Variants in NR3C2 observed in about 807,000 individuals in gnomAD.
NR3C2 encodes mineralocorticoid receptor.
NR3C2 carries 15 observed loss-of-function variants against 86.4 expected under a neutral mutation model. The ratio of observed to expected loss-of-function variants is 0.17; its 90% confidence interval spans 0.12 to 0.27. The LOEUF (loss-of-function observed/expected upper bound fraction) is 0.27. NR3C2 is among the 10% of genes least tolerant of loss of function. The pLI, the probability that NR3C2 is intolerant of heterozygous loss-of-function variation, is 1.00. For missense variants in NR3C2, 960 were observed against 1,195.6 expected, an observed-to-expected ratio of 0.80 and a Z score of 2.91; for synonymous variants, 458 against 450.5, an observed-to-expected ratio of 1.02 and a Z score of -0.21.
At chr4:148,200,412 T>C (rs1031922110) in intron 3 of NR3C2, among the ~76,000 whole-genome samples, 4 of 150,664 alleles carry the variant, frequency 2.7e-5, no homozygotes, top group African/African-American at 4.9e-5. Context: ...AGGAGTTGCA[T>C]GAACTAGAAG....
At chr4:148,375,908 A>T (rs957556543) in intron 2 of NR3C2, among the ~76,000 whole-genome samples, 2 of 152,206 alleles carry the variant, frequency 1.3e-5, no homozygotes, top group East Asian at 3.9e-4. Flanking sequence ...ACTATAAGTG[A>T]AACCAAGATA....
intron 3 of NR3C2, among the ~76,000 whole-genome samples, chr4:148,213,138 T>C (rs767666375): frequency 1.3e-4 from 3 of 22,826 alleles, no homozygotes; most frequent in African/African-American, 6.2e-4. Context: ...CAATGATGGG[T>C]TTTTTTTTTT....
At chr4:148,318,183 T>A (rs963343805) in intron 2 of NR3C2, among the ~76,000 whole-genome samples, 2 of 151,786 alleles carry the variant, frequency 1.3e-5, no homozygotes, top group African/African-American at 4.8e-5. Flanking sequence ...ATTTCATCCA[T>A]GTCCCTACAA....
chr4:148,109,970 C>A (rs1396536136), intron 8 of NR3C2, among the ~76,000 whole-genome samples: 1 of 152,124 alleles, frequency 6.6e-6, no homozygotes, highest in African/African-American at 2.4e-5. Context: ...TAGAAATAAG[C>A]TTCTTTCCCT....
chr4:148,442,529 G>A, upstream of NR3C2: 1 of 467,376 alleles, frequency 2.1e-6, no homozygotes, highest in Non-Finnish European at 2.8e-6. Flanking sequence ...TTAAAAGCGG[G>A]TCACATGTCC....
intron 4 of NR3C2, among the ~76,000 whole-genome samples, chr4:148,165,783 TAACA>T (rs1000161390): frequency 6.6e-6 from 1 of 152,214 alleles, no homozygotes; most frequent in Non-Finnish European, 1.5e-5. Flanking sequence ...ACAATTGTTT[TAACA>T]GTCTGTATTT....
At chr4:148,299,751 C>T (rs764984014) in intron 2 of NR3C2, among the ~76,000 whole-genome samples, 10 of 152,178 alleles carry the variant, frequency 6.6e-5, no homozygotes, top group South Asian at 2.1e-4. Context: ...CCTGCAGTTC[C>T]GGCTGATTTT....
intron 2 of NR3C2, among the ~76,000 whole-genome samples, chr4:148,345,840 CA>C (rs1346312561): frequency 6.6e-6 from 1 of 152,120 alleles, no homozygotes; most frequent in African/African-American, 2.4e-5. Context: ...TATGGTAGAG[CA>C]AAAGTTGGAC....
intron 3 of NR3C2, among the ~76,000 whole-genome samples, chr4:148,219,932 T>C (rs1737747554): frequency 6.6e-6 from 1 of 152,188 alleles, no homozygotes; most frequent in Admixed American, 6.5e-5. Flanking sequence ...AATAATTTTT[T>C]CTTTGTTTGA....
intron 3 of NR3C2, among the ~76,000 whole-genome samples, chr4:148,233,571 G>C (rs1560991741): frequency 6.6e-6 from 1 of 151,954 alleles, no homozygotes; most frequent in Non-Finnish European, 1.5e-5. Flanking sequence ...TGTTGTCCAG[G>C]CTGGTCTCAA....
At chr4:148,255,781 G>T (rs375919616) in intron 3 of NR3C2, among the ~76,000 whole-genome samples, 9 of 152,168 alleles carry the variant, frequency 5.9e-5, no homozygotes, top group Middle Eastern at 3.2e-3. Flanking sequence ...AGATGAGATG[G>T]AACTAATGGC....
chr4:148,389,797 T>C (rs1222902439), intron 2 of NR3C2, among the ~76,000 whole-genome samples: 2 of 151,970 alleles, frequency 1.3e-5, no homozygotes, highest in African/African-American at 4.8e-5. Context: ...ATAAAAGGCA[T>C]TCTTTTGGTT....
Position 148,334,219 on chromosome 4 carries a change from T to C in NR3C2, c.1758-74102A>G, listed in dbSNP as rs368532219. Among the ~76,000 whole-genome samples the C allele has an allele frequency of 1.5e-4, 23 of 152,266 alleles. No homozygotes were observed. In the East Asian group the frequency reaches 2.7e-3, roughly 18 times the overall value. On this transcript the variant is annotated intron_variant, in intron 2 of 8. Transcript: ENST00000358102. ...AAAGTACAAAAGCACACAAAAAAAT[T>C]TGCTTAAAGCATCTTTCAAGGCTAT... is the stretch of plus-strand genomic sequence containing the variant.
chr4:148,131,140 T>G (rs1384028071), intron 6 of NR3C2, among the ~76,000 whole-genome samples: 1 of 152,158 alleles, frequency 6.6e-6, no homozygotes, highest in Non-Finnish European at 1.5e-5. Context: ...CCAAACATGT[T>G]TGTTAACATA....
intron 2 of NR3C2, among the ~76,000 whole-genome samples, chr4:148,292,730 C>T (rs959921932): frequency 6.6e-6 from 1 of 152,052 alleles, no homozygotes; most frequent in African/African-American, 2.4e-5. Flanking sequence ...CAGCAAGGTC[C>T]TTGACTATCT....
chr4:148,082,036 T>TC (rs895900872), intron 8 of NR3C2, among the ~76,000 whole-genome samples: 6 of 152,216 alleles, frequency 3.9e-5, no homozygotes, highest in Non-Finnish European at 7.3e-5. Context: ...AGCTGGCACT[T>TC]CCACCTGCAG....
chr4:148,269,678 A>AAAAG (rs1740577434), intron 2 of NR3C2, among the ~76,000 whole-genome samples: 1 of 152,190 alleles, frequency 6.6e-6, no homozygotes, highest in Non-Finnish European at 1.5e-5. Context: ...CAAAACAAAA[A>AAAAG]AAACACCTGT....
At chr4:148,195,229 T>C (rs1040266349) in intron 3 of NR3C2, among the ~76,000 whole-genome samples, 1 of 152,244 alleles carries the variant, frequency 6.6e-6, no homozygotes, top group African/African-American at 2.4e-5. Context: ...TAAGCTGCTA[T>C]GCCTGCCCAC....
At chr4:148,406,007 A>AT (rs1028658934) in intron 2 of NR3C2, among the ~76,000 whole-genome samples, 2 of 152,114 alleles carry the variant, frequency 1.3e-5, no homozygotes, top group African/African-American at 4.8e-5. Context: ...TTAAAAAAAA[A>AT]TTTTTAAATT....
Sources: gnomAD v4.1 joint callset for allele counts (sites outside exome capture counted in the v4.1 genomes callset) on GRCh38, gnomAD v4.1.1 for gene constraint, MANE v1.5 for transcripts, NCBI Gene and HGNC (gene_info 2026-07-23, HGNC 2026-07-21) for gene names.